The following DCAF8 variants were observed in gnomAD, a reference collection of about 807,000 sequenced individuals.
The protein encoded by DCAF8 is DDB1- and CUL4-associated factor 8.
Under a neutral mutation model 68.0 loss-of-function variants are expected in DCAF8, and 20 were observed. That is an observed-to-expected ratio of 0.29 (90% CI 0.21 to 0.43). The LOEUF (loss-of-function observed/expected upper bound fraction) is 0.43. DCAF8 is among the 20% of genes least tolerant of loss of function. The pLI is 1.00. For synonymous variants in DCAF8, 230 were observed against 276.9 expected (o/e 0.83, Z 1.68); for missense variants, 460 against 771.0 (o/e 0.60, Z 4.78).
chr1:160,236,766 T>C (rs1333677009), intron 6 of DCAF8, among the ~76,000 whole-genome samples: 2 of 152,218 alleles, frequency 1.3e-5, no homozygotes, highest in African/African-American at 4.8e-5. Context: ...TATGTTTCTA[T>C]AAATAACTAA....
chr1:160,239,561 G>T (rs750393945), intron 4 of DCAF8, 136 bp downstream of exon 4: 4 of 1,584,304 alleles, frequency 2.5e-6, no homozygotes, highest in Non-Finnish European at 3.4e-6. Flanking sequence ...AGGTCATTAG[G>T]GGAGCCAAAG....
chr1:160,241,694 G>A (rs1213799353), intron 3 of DCAF8, among the ~76,000 whole-genome samples: 7 of 152,136 alleles, frequency 4.6e-5, no homozygotes, highest in African/African-American at 1.7e-4. Flanking sequence ...TCCTCAGATG[G>A]CTATAAATTT....
intron 6 of DCAF8, 104 bp from the exon 7 acceptor site, chr1:160,231,511 G>T: frequency 1.3e-6 from 1 of 748,622 alleles, no homozygotes; most frequent in Non-Finnish European, 2.2e-6. Context: ...AAACCAAAGA[G>T]ATTCTCATTT....
At chr1:160,225,164 T>A in intron 8 of DCAF8, 45 bp from the exon 9 acceptor site, 1 of 1,574,120 alleles carries the variant, frequency 6.4e-7, no homozygotes, top group East Asian at 2.3e-5. Context: ...CCCCCCCATT[T>A]GTTATACCAT....
At chr1:160,228,619 T>TTG (rs1470597870) in intron 7 of DCAF8, among the ~76,000 whole-genome samples, 1 of 151,796 alleles carries the variant, frequency 6.6e-6, no homozygotes, top group Non-Finnish European at 1.5e-5. Context: ...CCTTTTTTTT[T>TTG]TTTTTGGCCA....
intron 10 of DCAF8, 84 bp from the exon 11 acceptor site, chr1:160,222,865 C>T (rs1235384644): frequency 1.9e-5 from 29 of 1,566,286 alleles, no homozygotes; most frequent in Non-Finnish European, 2.5e-5. Flanking sequence ...TTTAGTTATT[C>T]ACAAACTCTA....
In DCAF8 at chr1:160,218,304, C is replaced by A; in HGVS notation, c.1677+20G>T. The A allele has an allele frequency of 6.3e-7, 1 of 1,596,120 alleles. No individual in the cohort carries two copies. The highest frequency in any genetic ancestry group is 1.1e-5 in the South Asian group (1 of 90,650). On this transcript the variant is annotated intron_variant, in intron 13 of 13. Coordinates refer to ENST00000368074, the MANE Select transcript of DCAF8 (RefSeq NM_015726.4). ...TAAAAGGGTCACTCCCTTGGGAATTCATTTCCAACCCTAGCTTACCCGGTG... is the reference window on the plus strand; with the variant it reads ...TAAAAGGGTCACTCCCTTGGGAATTAATTTCCAACCCTAGCTTACCCGGTG...
chr1:160,240,426 T>G (rs199890713), intron 3 of DCAF8, 56 bp from the exon 4 acceptor site: 43 of 1,491,306 alleles, frequency 2.9e-5, no homozygotes, highest in Non-Finnish European at 3.1e-5. Context: ...AACAGGATAG[T>G]GACCACCTTA....
chr1:160,243,550 T>C (rs982030343), intron 3 of DCAF8, among the ~76,000 whole-genome samples: 3 of 151,848 alleles, frequency 2.0e-5, no homozygotes, highest in African/African-American at 4.8e-5. Flanking sequence ...AGCCATGTAA[T>C]CTCTCTATCA....
At position 160,239,843 on chromosome 1, in the gene DCAF8, T is replaced by A. The variant is rs201559324; in HGVS notation, c.577A>T (p.Thr193Ser). 93 of 1,614,122 alleles carry A rather than the reference T, an allele frequency of 5.8e-5. No individual in the cohort carries two copies. Among genetic ancestry groups the A allele is most frequent in the Non-Finnish European group, 7.8e-5 (92 of 1,180,056 alleles). The stretch of plus-strand genomic sequence containing the variant: ...AAGTGCAGGGTATTGACACAACCAG[T>A]ATGGCCCTCAAGCCCATGCTGCAGG... ...FRLQHGLEGHTGCVNTLHFNQ... is the reference protein window; with the variant it reads ...FRLQHGLEGHSGCVNTLHFNQ... The change falls in exon 4 of 14, where the codon ACT becomes TCT. Residue 193 changes from threonine to serine, a missense_variant. Thr to Ser is a moderately conservative substitution (Grantham distance 58). This residue lies in a region of DCAF8 where 170 missense variants were observed against 318.2 expected (regional missense o/e 0.53). Transcript: ENST00000368074.
intron 6 of DCAF8, among the ~76,000 whole-genome samples, chr1:160,234,521 C>A (rs565529266): frequency 5.3e-5 from 8 of 152,302 alleles, no homozygotes; most frequent in East Asian, 1.9e-4. Context: ...CTGCCAAAGT[C>A]ATTCGCTCTA....
intron 7 of DCAF8, among the ~76,000 whole-genome samples, chr1:160,228,039 TACC>T (rs1655536789): frequency 6.6e-6 from 1 of 152,034 alleles, no homozygotes; most frequent in Non-Finnish European, 1.5e-5. Context: ...TACAGGAGCA[TACC>T]ACCACACCTG....
chr1:160,217,820 T>A, intron 13 of DCAF8, 112 bp from the exon 14 acceptor site: 1 of 768,780 alleles, frequency 1.3e-6, no homozygotes, highest in Non-Finnish European at 2.2e-6. Flanking sequence ...GAATTTTTCT[T>A]AAAGGGCCAG....
intron 7 of DCAF8, among the ~76,000 whole-genome samples, chr1:160,230,038 T>C (rs575163031): frequency 8.6e-5 from 13 of 151,874 alleles, no homozygotes; most frequent in Middle Eastern, 3.4e-3. Flanking sequence ...AAAAAATCTA[T>C]GGCTACACAT....
chr1:160,241,859 A>C (rs1656128727), intron 3 of DCAF8, among the ~76,000 whole-genome samples: 2 of 152,234 alleles, frequency 1.3e-5, no homozygotes, highest in African/African-American at 4.8e-5. Flanking sequence ...GCTCTGAAGC[A>C]ATGTACTCTT....
intron 2 of DCAF8, among the ~76,000 whole-genome samples, chr1:160,247,763 C>G (rs375218090): frequency 6.6e-6 from 1 of 152,074 alleles, no homozygotes; most frequent in African/African-American, 2.4e-5. Flanking sequence ...GGATGCTCAA[C>G]TTGTACCAGA....
intron 1 of DCAF8, chr1:160,262,243 G>A: frequency 2.5e-6 from 1 of 398,604 alleles, no homozygotes; most frequent in Non-Finnish European, 4.4e-6. Context: ...GAAGCGAGGG[G>A]GGGCGCAGGC....
chr1:160,225,973 A>T (rs991813499), intron 7 of DCAF8, among the ~76,000 whole-genome samples: 1 of 152,114 alleles, frequency 6.6e-6, no homozygotes, highest in African/African-American at 2.4e-5. Flanking sequence ...CCTCCTAAAT[A>T]GCTGGGACTA....
At chr1:160,217,858 A>G in intron 13 of DCAF8, 150 bp from the exon 14 acceptor site, 1 of 609,598 alleles carries the variant, frequency 1.6e-6, no homozygotes, top group Non-Finnish European at 2.9e-6. Context: ...CTTGTGGTCT[A>G]TATGGTCTTT....
Sources: gnomAD v4.1 joint callset for allele counts (sites outside exome capture counted in the v4.1 genomes callset) on GRCh38, gnomAD v4.1.1 for gene constraint, gnomAD v4.1.1 regional missense constraint, MANE v1.5 for transcripts, NCBI Gene and HGNC (gene_info 2026-07-23, HGNC 2026-07-21) for gene names.